Variants in HIVEP1 observed in about 807,000 individuals in gnomAD.
HIVEP1 encodes HIVEP zinc finger 1, also known as zinc finger protein 40.
HIVEP1 carries 36 observed loss-of-function variants against 180.0 expected under a neutral mutation model. That is an observed-to-expected ratio of 0.20 (90% CI 0.15 to 0.26). The LOEUF (loss-of-function observed/expected upper bound fraction) is 0.26, where lower values mean the gene tolerates loss of function less well. Among genes scored for constraint, HIVEP1 ranks in the 10% least tolerant of loss-of-function variants. HIVEP1 has a pLI of 1.00. For missense variants in HIVEP1, 3,143 were observed against 3,268.7 expected (o/e 0.96, Z 0.94); for synonymous variants, 1,239 against 1,239.0 (o/e 1.00, Z 0.00).
At chr6:12,109,472 T>A (rs998184269) in intron 3 of HIVEP1, among the ~76,000 whole-genome samples, 1 of 152,236 alleles carries the variant, frequency 6.6e-6, no homozygotes, top group African/African-American at 2.4e-5. Context: ...GTACTCTAAA[T>A]CCTTTGTTGT....
intron 6 of HIVEP1, among the ~76,000 whole-genome samples, chr6:12,134,330 T>C (rs1349829572): frequency 6.6e-6 from 1 of 152,172 alleles, no homozygotes; most frequent in African/African-American, 2.4e-5. Flanking sequence ...ACCTTAGCCA[T>C]CATCTGGTCT....
At chr6:12,010,465 A>C (rs1393308769), upstream of HIVEP1, among the ~76,000 whole-genome samples, 1 of 152,238 alleles carries the variant, frequency 6.6e-6, no homozygotes, top group Admixed American at 6.5e-5. Context: ...CAACTCCAGC[A>C]GGAAAAACCT....
At chr6:12,129,419 G>T (rs1036368781) in intron 4 of HIVEP1, among the ~76,000 whole-genome samples, 2 of 152,158 alleles carry the variant, frequency 1.3e-5, no homozygotes, top group African/African-American at 4.8e-5. Context: ...GGTAGTATGA[G>T]TGGCTGGTTA....
rs530390558 is a variant in HIVEP1, at chr6:12,063,050, C to T, written c.41-26134C>T. 3.3e-5 allele frequency among the ~76,000 whole-genome samples: 5 copies of T among 152,088 alleles called. No individual in the cohort carries two copies. The highest frequency in any genetic ancestry group is 1.9e-4 in the East Asian group (1 of 5,174). On this transcript the variant is annotated intron_variant, in intron 2 of 8. Coordinates refer to ENST00000379388, the MANE Select transcript of HIVEP1 (RefSeq NM_002114.4). This position sits in a 1 kb window ranked among gnomAD's most constrained non-coding sequence, Gnocchi z 4.2. ...CTGTTAGTAGTAGTTATTGCTAACACGTATCATTATTCATGATTTAAAAAT... is the reference window on the plus strand; with the variant it reads ...CTGTTAGTAGTAGTTATTGCTAACATGTATCATTATTCATGATTTAAAAAT...
At chr6:12,054,656 TCAC>T (rs1170512655) in intron 2 of HIVEP1, among the ~76,000 whole-genome samples, 1 of 152,238 alleles carries the variant, frequency 6.6e-6, no homozygotes, top group Non-Finnish European at 1.5e-5. Flanking sequence ...TCACATGACT[TCAC>T]CATAATGAAC....
At chr6:12,169,889 G>C (rs60122380), downstream of HIVEP1, among the ~76,000 whole-genome samples, 30,436 of 152,008 alleles carry the variant, frequency 0.2, 3,920 homozygotes, top group East Asian at 0.48. Flanking sequence ...GGGAGGCCAA[G>C]GTGGGCAGAT....
At position 12,141,691 on chromosome 6, in the gene HIVEP1, C is replaced by CAAAAAAAAAAAAAAAAAAAAAA. The variant is rs60419579; in HGVS notation, c.6487+5807_6487+5828dup. On this transcript the variant is annotated intron_variant, in intron 7 of 8. Coordinates refer to ENST00000379388, the MANE Select transcript of HIVEP1 (RefSeq NM_002114.4). Reference sequence around the variant, plus strand: ...GAAGATCTACCAAGCAAATGGAAAGCAAAAAAAAAAAAAAAAAAAAAAAAA... The same window carrying CAAAAAAAAAAAAAAAAAAAAAA: ...GAAGATCTACCAAGCAAATGGAAAGCAAAAAAAAAAAAAAAAAAAAAAAAAAAAAAAAAAAAAAAAAAAAAAA... Among the ~76,000 whole-genome samples the CAAAAAAAAAAAAAAAAAAAAAA allele has an allele frequency of 4.2e-4, 8 of 19,238 alleles. 2 individuals are homozygous for CAAAAAAAAAAAAAAAAAAAAAA. The highest frequency in any genetic ancestry group is 1.2e-3 in the Non-Finnish European group (8 of 6,440). The allele number at this position is 19,238 out of a possible 152,430, so 12.6% of individuals were successfully genotyped here. A position where few individuals can be genotyped will look rare whatever the true frequency, so the allele number is the denominator to read the frequency against.
chr6:12,037,815 C>T (rs890498300), intron 2 of HIVEP1: 5 of 430,264 alleles, frequency 1.2e-5, no homozygotes, highest in Middle Eastern at 5.9e-4. Context: ...AAGGCTTGTC[C>T]CCTTCCTGCT....
intron 2 of HIVEP1, among the ~76,000 whole-genome samples, chr6:12,067,173 C>G (rs1295530537): frequency 1.3e-5 from 2 of 152,094 alleles, no homozygotes; most frequent in Admixed American, 1.3e-4. Flanking sequence ...AATTAAAAAA[C>G]TAACTTTTAA....
downstream of HIVEP1, among the ~76,000 whole-genome samples, chr6:12,167,682 G>A (rs55937332): frequency 1.6e-3 from 29 of 17,640 alleles, no homozygotes; most frequent in African/African-American, 7.1e-3. Flanking sequence ...ACATATATGT[G>A]TATAATATAT....
chr6:12,044,509 C>T (rs1207005768), intron 2 of HIVEP1, among the ~76,000 whole-genome samples: 3 of 152,164 alleles, frequency 2.0e-5, no homozygotes, highest in African/African-American at 7.2e-5. Context: ...CAGCTGAGGG[C>T]TTGCTGTCCC....
intron 2 of HIVEP1, chr6:12,020,407 C>T (rs898689823): frequency 1.3e-5 from 6 of 470,974 alleles, no homozygotes; most frequent in Admixed American, 4.7e-5. Flanking sequence ...GTGGCTCTTC[C>T]GCATGGTCTT....
At chr6:12,206,081 C>G in the HIVEP1 span, among the ~76,000 whole-genome samples, 1 of 152,140 alleles carries the variant, frequency 6.6e-6, no homozygotes, top group Non-Finnish European at 1.5e-5. Context: ...AGGATGGGCC[C>G]TAATCCAATA....
At chr6:12,200,140 G>A in the HIVEP1 span, among the ~76,000 whole-genome samples, 1 of 152,186 alleles carries the variant, frequency 6.6e-6, no homozygotes, top group East Asian at 1.9e-4. Flanking sequence ...TTGAGGACTA[G>A]CAAATACAGG....
At chr6:12,174,961 A>G in the HIVEP1 span, among the ~76,000 whole-genome samples, 1 of 152,206 alleles carries the variant, frequency 6.6e-6, no homozygotes, top group Non-Finnish European at 1.5e-5. Context: ...GTTAGGGGCC[A>G]TTTAGATCTG....
At chr6:12,112,946 T>G (rs1774997009) in intron 3 of HIVEP1, among the ~76,000 whole-genome samples, 1 of 152,120 alleles carries the variant, frequency 6.6e-6, no homozygotes. Flanking sequence ...TGTCTGTCCC[T>G]GTGGTGACAT....
chr6:12,118,737 T>A (rs1250098215), intron 3 of HIVEP1, among the ~76,000 whole-genome samples: 2 of 152,224 alleles, frequency 1.3e-5, no homozygotes, highest in Admixed American at 1.3e-4. Context: ...ATTTTGTTGG[T>A]AAGAAACCAC....
intron 3 of HIVEP1, among the ~76,000 whole-genome samples, chr6:12,107,768 G>T (rs1451318218): frequency 2.0e-5 from 3 of 152,134 alleles, no homozygotes; most frequent in South Asian, 2.1e-4. Context: ...AAGGGGACCC[G>T]AGCGGGTTGC....
chr6:12,046,845 CTGTGTGTGTG>C (rs372934680), intron 2 of HIVEP1, among the ~76,000 whole-genome samples: 6 of 141,006 alleles, frequency 4.3e-5, no homozygotes, highest in East Asian at 2.2e-4. Flanking sequence ...TGCCACTACA[CTGTGTGTGTG>C]TGTGTGTGTG....
Sources: allele counts gnomAD v4.1 joint callset (sites outside exome capture counted in the v4.1 genomes callset), GRCh38; gene constraint gnomAD v4.1.1; non-coding constraint Gnocchi (gnomAD v3.1); transcripts MANE v1.5; gene names NCBI Gene and HGNC (gene_info 2026-07-23, HGNC 2026-07-21).